The following CACNA2D3 variants were observed in gnomAD, a reference collection of about 807,000 sequenced individuals.
The protein encoded by CACNA2D3 is voltage-dependent calcium channel subunit alpha-2/delta-3.
Under a neutral mutation model 160.6 loss-of-function variants are expected in CACNA2D3, and 60 were observed. The observed-to-expected ratio is 0.37, with a 90% CI of 0.30 to 0.46. The LOEUF (loss-of-function observed/expected upper bound fraction) is 0.46, where lower values mean the gene tolerates loss of function less well. CACNA2D3 is among the 20% of genes least tolerant of loss of function. The pLI, the probability that CACNA2D3 is intolerant of heterozygous loss-of-function variation, is 1.00. For missense variants in CACNA2D3, 1,205 were observed against 1,365.0 expected (o/e 0.88, Z 1.85); for synonymous variants, 558 against 492.9 (o/e 1.13, Z -1.75).
chr3:54,218,594 T>A (rs549319802), intron 2 of CACNA2D3, among the ~76,000 whole-genome samples: 2 of 152,320 alleles, frequency 1.3e-5, no homozygotes, highest in Admixed American at 6.5e-5. Flanking sequence ...GGGACAGGAT[T>A]TTAGTCAGTG....
chr3:54,254,052 A>G (rs1702247500), intron 2 of CACNA2D3, among the ~76,000 whole-genome samples: 1 of 152,196 alleles, frequency 6.6e-6, no homozygotes, highest in South Asian at 2.1e-4. Flanking sequence ...GGTGTGAGCA[A>G]CTGCGCCCGG....
intron 27 of CACNA2D3, among the ~76,000 whole-genome samples, chr3:54,956,437 G>A (rs1701894884): frequency 6.6e-6 from 1 of 152,312 alleles, no homozygotes; most frequent in African/African-American, 2.4e-5. Flanking sequence ...TAACCTTCCT[G>A]TCTTTGTCTT....
chr3:54,767,311 A>T (rs1375818119), intron 13 of CACNA2D3, among the ~76,000 whole-genome samples: 4 of 152,216 alleles, frequency 2.6e-5, no homozygotes, highest in Admixed American at 6.5e-5. Context: ...TTAAATTTTG[A>T]ACACAATACT....
chr3:54,774,126 A>C (rs1018963555), intron 13 of CACNA2D3, among the ~76,000 whole-genome samples: 2 of 152,198 alleles, frequency 1.3e-5, no homozygotes, highest in African/African-American at 4.8e-5. Flanking sequence ...CAAAAAGGCA[A>C]TTTGATGACT....
At chr3:54,825,771 A>C (rs1703735713) in intron 14 of CACNA2D3, among the ~76,000 whole-genome samples, 1 of 152,260 alleles carries the variant, frequency 6.6e-6, no homozygotes, top group Admixed American at 6.5e-5. Context: ...GATTCAATAC[A>C]ATTTAGTTAC....
At chr3:54,779,745 T>A (rs1480510230) in intron 13 of CACNA2D3, among the ~76,000 whole-genome samples, 9 of 152,254 alleles carry the variant, frequency 5.9e-5, no homozygotes, top group Admixed American at 5.9e-4. Context: ...CCATGTTCTT[T>A]GTCTCAGCTA....
Position 54,308,579 on chromosome 3 carries a change from A to G in CACNA2D3, c.205-11863A>G, listed in dbSNP as rs949616831. On this transcript the variant is annotated intron_variant, in intron 2 of 37. Coordinates refer to ENST00000474759, the MANE Select transcript of CACNA2D3 (RefSeq NM_018398.3). ...TTCATGGATGGTTACATGAGCAAGA[A>G]ATAAACCTTTATTGTGTGAAGCCGC... Among the ~76,000 whole-genome samples the G allele has an allele frequency of 2.1e-4, 32 of 152,178 alleles. 1 individual carries two copies. The highest frequency in any genetic ancestry group is 4.4e-5 in the Non-Finnish European group (3 of 68,034).
intron 9 of CACNA2D3, among the ~76,000 whole-genome samples, chr3:54,594,884 C>A (rs1702922466): frequency 6.6e-6 from 1 of 152,166 alleles, no homozygotes; most frequent in Non-Finnish European, 1.5e-5. Context: ...TTAAGAGACA[C>A]ATGCGGGTAT....
chr3:54,403,368 C>T (rs1190305222), intron 4 of CACNA2D3, among the ~76,000 whole-genome samples: 1 of 150,230 alleles, frequency 6.7e-6, no homozygotes, highest in Non-Finnish European at 1.5e-5. Context: ...CACACACACA[C>T]ACACACACAC....
chr3:54,707,915 C>G (rs75459338), intron 11 of CACNA2D3, among the ~76,000 whole-genome samples: 1 of 152,286 alleles, frequency 6.6e-6, no homozygotes. Flanking sequence ...TGTTTTCATT[C>G]TCTTTTGCTG....
chr3:54,763,927 G>T, intron 12 of CACNA2D3, among the ~76,000 whole-genome samples: 1 of 137,890 alleles, frequency 7.3e-6, no homozygotes, highest in Non-Finnish European at 1.6e-5. Context: ...AAGTTAGGGA[G>T]GATATTCTCC....
intron 9 of CACNA2D3, among the ~76,000 whole-genome samples, chr3:54,587,779 C>T (rs897551794): frequency 2.0e-5 from 3 of 152,098 alleles, no homozygotes; most frequent in African/African-American, 7.2e-5. Flanking sequence ...AAATAGATAG[C>T]TAGACTAATC....
intron 2 of CACNA2D3, among the ~76,000 whole-genome samples, chr3:54,148,974 CAAAAAA>C (rs543235870): frequency 0.017 from 1,979 of 116,566 alleles, 23 homozygotes; most frequent in Non-Finnish European, 0.025. Context: ...AAAACTCCAT[CAAAAAA>C]AAAAAAAAAA....
chr3:54,490,946 G>A (rs968192843), intron 4 of CACNA2D3, among the ~76,000 whole-genome samples: 5 of 152,070 alleles, frequency 3.3e-5, no homozygotes, highest in African/African-American at 4.8e-5. Context: ...ATAGGAGCTG[G>A]GCATACAACT....
intron 13 of CACNA2D3, among the ~76,000 whole-genome samples, chr3:54,775,694 C>G (rs1702412771): frequency 6.6e-6 from 1 of 152,136 alleles, no homozygotes; most frequent in African/African-American, 2.4e-5. Context: ...AGTAATATGA[C>G]TATTTTATCA....
intron 17 of CACNA2D3, among the ~76,000 whole-genome samples, chr3:54,856,803 C>G (rs1435884700): frequency 6.6e-6 from 1 of 152,102 alleles, no homozygotes; most frequent in Non-Finnish European, 1.5e-5. Context: ...GTTTTTGAGA[C>G]AGAATTTCAC....
intron 27 of CACNA2D3, among the ~76,000 whole-genome samples, chr3:54,909,643 A>AT (rs759615370): frequency 0.2 from 24,637 of 123,768 alleles, 2,632 homozygotes; most frequent in African/African-American, 0.25. Flanking sequence ...TTTTTTTGTG[A>AT]TTTTTTTTTT....
At chr3:54,347,352 A>C (rs760366066) in intron 3 of CACNA2D3, among the ~76,000 whole-genome samples, 50 of 152,166 alleles carry the variant, frequency 3.3e-4, no homozygotes, top group Non-Finnish European at 6.2e-4. Context: ...GGTTTGAAGA[A>C]GTGTTTTAAA....
chr3:54,292,139 C>A (rs1156450765), intron 2 of CACNA2D3, among the ~76,000 whole-genome samples: 3 of 151,790 alleles, frequency 2.0e-5, no homozygotes, highest in Non-Finnish European at 4.4e-5. Flanking sequence ...AAGTTGGACC[C>A]CTACCTCATA....
Sources: gnomAD v4.1 joint callset for allele counts (sites outside exome capture counted in the v4.1 genomes callset) on GRCh38, gnomAD v4.1.1 for gene constraint, MANE v1.5 for transcripts, NCBI Gene and HGNC (gene_info 2026-07-23, HGNC 2026-07-21) for gene names.